CSTPP1: variants seen among roughly 807,000 people sequenced by gnomAD.
CSTPP1 encodes UPF0705 protein C11orf49.
the CSTPP1 span, among the ~76,000 whole-genome samples, chr11:47,056,608 G>T: frequency 1.3e-5 from 2 of 152,162 alleles, no homozygotes; most frequent in Non-Finnish European, 2.9e-5. Flanking sequence ...TAATCAGACA[G>T]CCTCAGATTT....
the CSTPP1 span, chr11:47,041,840 T>A: frequency 2.5e-6 from 1 of 405,276 alleles, no homozygotes; most frequent in Non-Finnish European, 5.0e-6. Flanking sequence ...ATGGCCAGGC[T>A]GCAACTGCAA....
chr11:46,993,709 A>G, the CSTPP1 span, among the ~76,000 whole-genome samples: 2 of 152,130 alleles, frequency 1.3e-5, no homozygotes, highest in African/African-American at 2.4e-5. Flanking sequence ...GTCAGATAGC[A>G]TGATGTCTCC....
At chr11:47,158,034 T>G in the CSTPP1 span, 1 of 958,044 alleles carries the variant, frequency 1.0e-6, no homozygotes, top group South Asian at 1.4e-5. Context: ...ATCTCTGCCT[T>G]GACTTCCCAG....
the CSTPP1 span, among the ~76,000 whole-genome samples, chr11:46,950,051 A>G: frequency 1.3e-5 from 2 of 152,220 alleles, no homozygotes; most frequent in East Asian, 1.9e-4. Flanking sequence ...GTGATTAAAA[A>G]CAGCTTTGGC....
chr11:47,002,233 A>G, the CSTPP1 span, among the ~76,000 whole-genome samples: 1 of 152,070 alleles, frequency 6.6e-6, no homozygotes, highest in Non-Finnish European at 1.5e-5. Context: ...CCCTATCCCC[A>G]CTGTTACTAG....
chr11:47,136,283 C>T, the CSTPP1 span, among the ~76,000 whole-genome samples: 9 of 152,258 alleles, frequency 5.9e-5, no homozygotes, highest in South Asian at 2.1e-4. Flanking sequence ...CCCTTCCCTT[C>T]GCCTTTTTCC....
chr11:47,154,995 G>A, the CSTPP1 span: 1 of 624,798 alleles, frequency 1.6e-6, no homozygotes. Flanking sequence ...GTGACTGGGA[G>A]GAGCTTGCTT....
At chr11:47,155,304 T>G in the CSTPP1 span, 1 of 1,525,798 alleles carries the variant, frequency 6.6e-7, no homozygotes, top group Non-Finnish European at 9.1e-7. Context: ...CAGGACCCTG[T>G]CTCCCTGTCC....
At chr11:46,974,538 AAAAAG>A in the CSTPP1 span, among the ~76,000 whole-genome samples, 1 of 149,904 alleles carries the variant, frequency 6.7e-6, no homozygotes, top group African/African-American at 2.4e-5. Context: ...AAAAAAAAAA[AAAAAG>A]AAAGAAAAAG....
the CSTPP1 span, among the ~76,000 whole-genome samples, chr11:47,085,265 T>A: frequency 6.6e-6 from 1 of 152,240 alleles, no homozygotes; most frequent in East Asian, 1.9e-4. Context: ...CACTTTTGTA[T>A]AGATATACCT....
the CSTPP1 span, among the ~76,000 whole-genome samples, chr11:46,999,822 A>T: frequency 6.6e-6 from 1 of 152,194 alleles, no homozygotes; most frequent in Non-Finnish European, 1.5e-5. Context: ...TGTATTTGGA[A>T]GGCTTCTCTT....
chr11:46,996,920 A>G, the CSTPP1 span, among the ~76,000 whole-genome samples: 285 of 152,264 alleles, frequency 1.9e-3, 1 homozygote, highest in African/African-American at 6.8e-3. Flanking sequence ...CTGCCAAGAG[A>G]TCTGCTGTTA....
At chr11:46,951,089 G>A in the CSTPP1 span, among the ~76,000 whole-genome samples, 2 of 152,102 alleles carry the variant, frequency 1.3e-5, no homozygotes, top group African/African-American at 2.4e-5. Context: ...TATATAACTT[G>A]TCCAAGGTCA....
the CSTPP1 span, among the ~76,000 whole-genome samples, chr11:47,097,137 C>T: frequency 7.6e-6 from 1 of 131,334 alleles, no homozygotes; most frequent in Non-Finnish European, 1.7e-5. Flanking sequence ...CCGCCCCGTC[C>T]GGGAGGGAGG....
the CSTPP1 span, among the ~76,000 whole-genome samples, chr11:47,047,302 T>C: frequency 6.6e-6 from 1 of 152,194 alleles, no homozygotes; most frequent in African/African-American, 2.4e-5. Flanking sequence ...GAAAAAAGAA[T>C]ATAAAATTGG....
the CSTPP1 span, among the ~76,000 whole-genome samples, chr11:47,141,342 AG>A: frequency 6.6e-6 from 1 of 152,142 alleles, no homozygotes; most frequent in Admixed American, 6.5e-5. Context: ...ATTTCAAATA[AG>A]TAGAATTGAG....
the CSTPP1 span, chr11:46,987,441 G>T: frequency 1.3e-6 from 1 of 768,230 alleles, no homozygotes; most frequent in Non-Finnish European, 2.2e-6. Context: ...TTGGTAGGTT[G>T]GTTGTGGGCC....
chr11:47,023,899 C>G, the CSTPP1 span, among the ~76,000 whole-genome samples: 1 of 152,240 alleles, frequency 6.6e-6, no homozygotes, highest in South Asian at 2.1e-4. Context: ...AGTAATATTG[C>G]TGTGAACATG....
At chr11:47,145,998 C>G in the CSTPP1 span, among the ~76,000 whole-genome samples, 1 of 152,186 alleles carries the variant, frequency 6.6e-6, no homozygotes, top group African/African-American at 2.4e-5. Context: ...GTTTTCCTGC[C>G]TCAGCCTCCC....
Sources: gnomAD v4.1 joint callset for allele counts (sites outside exome capture counted in the v4.1 genomes callset) on GRCh38, gnomAD v4.1.1 for gene constraint, MANE v1.5 for transcripts, NCBI Gene and HGNC (gene_info 2026-07-23, HGNC 2026-07-21) for gene names.